The following TRABD variants were observed in gnomAD, a reference collection of about 807,000 sequenced individuals.
TRABD encodes the protein traB domain-containing protein.
A neutral mutation model predicts 39.6 loss-of-function variants in TRABD; 23 were observed. The observed-to-expected ratio is 0.58, with a 90% CI of 0.42 to 0.82. The LOEUF (loss-of-function observed/expected upper bound fraction) is 0.82. Ranked by LOEUF, TRABD falls within the 40% of genes least tolerant of loss-of-function variation. The pLI is 0.00. For missense variants in TRABD, 487 were observed against 544.9 expected, an observed-to-expected ratio of 0.89 and a Z score of 1.06; for synonymous variants, 243 against 232.1, an observed-to-expected ratio of 1.05 and a Z score of -0.43.
At position 50,198,862 on chromosome 22, in the gene TRABD, A is replaced by G. The variant is rs939808846; in HGVS notation, c.*343A>G. The G allele has an allele frequency of 7.4e-6, 4 of 539,882 alleles. No homozygotes were observed. Among genetic ancestry groups the G allele is most frequent in the South Asian group, 2.3e-5 (1 of 44,150 alleles). 33.4% of individuals were successfully genotyped at this position (539,882 alleles called of 1,614,324 possible). On this transcript the variant is annotated 3_prime_UTR_variant, in exon 10 of 10. Transcript: ENST00000380909. The surrounding 1 kb of genome is among the most constrained non-coding windows in gnomAD (Gnocchi z 7.9). ...CAGCCCTGGTGGCAGGCGGGGGACA[A>G]TGGCCACTGTCCCTACCTCACTGTG...
At position 50,197,430 on chromosome 22, in the gene TRABD, C is replaced by A; in HGVS notation, c.532-19C>A. The stretch of plus-strand genomic sequence containing the variant: ...GTCCGGGGTTCCCACTGCTCCCCAA[C>A]ACCCAGCCTCTGCTCCAGGCCAGCA... On this transcript the variant is annotated intron_variant, in intron 6 of 9. Transcript: ENST00000380909. 1.2e-6 allele frequency: 2 copies of A among 1,613,400 alleles called. No individual in the cohort carries two copies. Among genetic ancestry groups the A allele is most frequent in the Non-Finnish European group, 1.7e-6 (2 of 1,179,750 alleles).
At position 50,198,559 on chromosome 22, in the gene TRABD, T is replaced by G; in HGVS notation, c.*40T>G. ...CCCGCTCGGGCCCCTGAGGAGCCAG[T>G]GCCCCCGCGGCACTTCTGGGTGCCA... On this transcript the variant is annotated 3_prime_UTR_variant, in exon 10 of 10. Transcript: ENST00000380909. The surrounding 1 kb of genome is among the most constrained non-coding windows in gnomAD (Gnocchi z 7.9). The G allele has an allele frequency of 6.8e-7, 1 of 1,467,694 alleles. No homozygotes were observed. Among genetic ancestry groups the G allele is most frequent in the Non-Finnish European group, 9.0e-7 (1 of 1,113,086 alleles). The allele number at this position is 1,467,694 out of a possible 1,614,324, so 90.9% of individuals were successfully genotyped here. A position where few individuals can be genotyped will look rare whatever the true frequency, so the allele number is the denominator to read the frequency against.
rs779899634 is a variant in TRABD at position 50,193,581 on chromosome 22, C to A, written c.39C>A (p.Asn13Lys). 20 of 1,613,662 alleles carry A rather than the reference C, an allele frequency of 1.2e-5. No homozygotes were observed. In the East Asian group the frequency reaches 4.5e-4, roughly 36 times the overall value. ...GEEQQPPHEA[N>K]VEPVVPSEAS... ...ACTCTCCTTTCCACCTGCAGGCCAACGTGGAACCTGTTGTGCCGTCAGAGG... is the reference window on the plus strand; with the variant it reads ...ACTCTCCTTTCCACCTGCAGGCCAAAGTGGAACCTGTTGTGCCGTCAGAGG... Residue 13 changes from asparagine to lysine, a missense_variant, in exon 3 of 10, where the codon AAC becomes AAA. Physicochemically the swap from Asn to Lys is moderately conservative, Grantham distance 94 (BLOSUM62 0). Around this residue, in one of 3 missense-constraint regions of TRABD, gnomAD observed 358 missense variants for 414.7 expected, o/e 0.86. Transcript: ENST00000380909.
In TRABD at chr22:50,185,936, C is replaced by G. The variant is rs1021891526; in HGVS notation, c.-75C>G. Reference sequence around the variant, plus strand: ...CCGCCCCGTCCGTTGAGGGCCCGCGCCGCATGGAGGCCGGCTGAGGAGCGC... The same window carrying G: ...CCGCCCCGTCCGTTGAGGGCCCGCGGCGCATGGAGGCCGGCTGAGGAGCGC... On this transcript the variant is annotated 5_prime_UTR_variant, in exon 1 of 10. Coordinates refer to ENST00000380909, the MANE Select transcript of TRABD (RefSeq NM_001320485.2). 1 of 149,414 alleles carries G rather than the reference C, an allele frequency of 6.7e-6. No homozygotes were observed. Among genetic ancestry groups the G allele is most frequent in the Admixed American group, 6.7e-5 (1 of 15,028 alleles). 9.3% of individuals were successfully genotyped at this position (149,414 alleles called of 1,614,324 possible).
chr22:50,194,310 G>A (rs1488140135), intron 3 of TRABD, 30 bp from the exon 4 acceptor site: 1 of 1,601,332 alleles, frequency 6.2e-7, no homozygotes, highest in Admixed American at 1.7e-5. Flanking sequence ...GGTGGGCCCG[G>A]CACCACAACG....
At position 50,198,522 on chromosome 22, in the gene TRABD, G is replaced by T. The variant is rs760408093; in HGVS notation, c.*3G>T. ...TGACCGAGGCCCGGCACAAGTAGGA[G>T]ACTGCTCCCCGCCCGCTCGGGCCCC... is the stretch of plus-strand genomic sequence containing the variant. On this transcript the variant is annotated 3_prime_UTR_variant, in exon 10 of 10. Transcript: ENST00000380909. This position sits in a 1 kb window ranked among gnomAD's most constrained non-coding sequence, Gnocchi z 7.9. The T allele has an allele frequency of 1.3e-6, 2 of 1,544,846 alleles. No homozygotes were observed.
intron 5 of TRABD, among the ~76,000 whole-genome samples, chr22:50,195,684 A>C (rs1293830330): frequency 2.0e-5 from 3 of 151,716 alleles, no homozygotes; most frequent in African/African-American, 4.8e-5. Flanking sequence ...GGTTCATCTC[A>C]AACTCCTGAG....
At chr22:50,192,464 C>T (rs545540105) in intron 1 of TRABD, 1 of 152,768 alleles carries the variant, frequency 6.5e-6, no homozygotes, top group East Asian at 1.9e-4. Context: ...TGGTTCCTTC[C>T]ACACCATGTT....
intron 1 of TRABD, among the ~76,000 whole-genome samples, chr22:50,188,647 T>G (rs780790987): frequency 3.3e-5 from 5 of 152,218 alleles, no homozygotes; most frequent in Non-Finnish European, 5.9e-5. Context: ...GATCACCTCC[T>G]GGAGGCCCTG....
At chr22:50,189,977 T>G (rs2063853631) in intron 1 of TRABD, among the ~76,000 whole-genome samples, 1 of 152,202 alleles carries the variant, frequency 6.6e-6, no homozygotes. Flanking sequence ...GGAGAGGCTC[T>G]GGGCCCAGCC....
Position 50,199,138 on chromosome 22 carries a change from CA to C in TRABD, c.*625del. The stretch of plus-strand genomic sequence containing the variant: ...CAGAGAGAAAAACTGAAGTAAATGT[CA>C]AAAAACACCAGCCTTAAATCCAAAG... On this transcript the variant is annotated 3_prime_UTR_variant, in exon 10 of 10. Coordinates refer to ENST00000380909, the MANE Select transcript of TRABD (RefSeq NM_001320485.2). The C allele has an allele frequency of 1.4e-6, 1 of 719,858 alleles. No individual in the cohort carries two copies. The highest frequency in any genetic ancestry group is 2.6e-6 in the Non-Finnish European group (1 of 385,930). The allele number at this position is 719,858 out of a possible 1,614,324, so 44.6% of individuals were successfully genotyped here.
Position 50,199,434 on chromosome 22 carries a change from A to G in TRABD, c.*915A>G, listed in dbSNP as rs958350264. 2.7e-5 allele frequency: 8 copies of G among 299,992 alleles called. No homozygotes were observed. Among genetic ancestry groups the G allele is most frequent in the Non-Finnish European group, 5.0e-5 (8 of 161,370 alleles). The allele number at this position is 299,992 out of a possible 1,614,324, so 18.6% of individuals were successfully genotyped here. A position where few individuals can be genotyped will look rare whatever the true frequency, so the allele number is the denominator to read the frequency against. On this transcript the variant is annotated 3_prime_UTR_variant, in exon 10 of 10. Transcript: ENST00000380909. Reference sequence around the variant, plus strand: ...GGCCTCCCTCCTGGCTGTCCAGGACACAGCCCGTGCAGCCCCAGCCTGGAC... The same window carrying G: ...GGCCTCCCTCCTGGCTGTCCAGGACGCAGCCCGTGCAGCCCCAGCCTGGAC...
Position 50,193,053 on chromosome 22 carries a change from G to A in TRABD, c.-8G>A, listed in dbSNP as rs578072397. The A allele has an allele frequency of 1.7e-5, 26 of 1,545,186 alleles. No individual in the cohort carries two copies. In the African/African-American group the frequency reaches 2.2e-4, roughly 13 times the overall value. On this transcript the variant is annotated 5_prime_UTR_variant, in exon 2 of 10. Transcript: ENST00000380909. ...CTCCCCACAGGTGCAGGAAGCCGCC[G>A]CCCAGCCATGGACGGGGAGGAGCAG...
At chr22:50,196,708 CTTT>C (rs1226661316) in intron 5 of TRABD, among the ~76,000 whole-genome samples, 3 of 145,986 alleles carry the variant, frequency 2.1e-5, no homozygotes, top group Non-Finnish European at 4.6e-5. Context: ...TTTTCTTCTT[CTTT>C]TTTTTTTTTT....
In TRABD at chr22:50,194,903, A is replaced by G. The variant is rs776365532; in HGVS notation, c.283A>G (p.Ile95Val). 1 of 1,612,392 alleles carries G rather than the reference A, an allele frequency of 6.2e-7. No homozygotes were observed. The highest frequency in any genetic ancestry group is 8.5e-7 in the Non-Finnish European group (1 of 1,179,774). The change falls in exon 5 of 10, where the codon ATC becomes GTC. Residue 95 changes from isoleucine to valine, a missense_variant. Ile to Val is a conservative substitution (Grantham distance 29). Transcript: ENST00000380909. Reference protein sequence around the residue: ...DDSKRDVVKTIREVQPDVVVV... With the variant: ...DDSKRDVVKTVREVQPDVVVV... ...GTGTGACCTGTGGCTGTTGCAGACC[A>G]TCCGGGAGGTGCAGCCTGACGTGGT...
Position 50,193,251 on chromosome 22 carries a change from T to C in TRABD, c.33+158T>C, listed in dbSNP as rs1241464483. 2.6e-5 allele frequency among the ~76,000 whole-genome samples: 4 copies of C among 152,186 alleles called. No homozygotes were observed. The South Asian group carries it at 8.3e-4, about 32-fold the overall frequency. ...AGGCACCTCCGAGGGAGAGGGGCGC[T>C]GGGCTGAGGTGGCCTGGTGGCCCTG... On this transcript the variant is annotated intron_variant, in intron 2 of 9. Coordinates refer to ENST00000380909, the MANE Select transcript of TRABD (RefSeq NM_001320485.2).
At chr22:50,193,547 C>T in intron 2 of TRABD, 29 bp from the exon 3 acceptor site, 1 of 1,611,916 alleles carries the variant, frequency 6.2e-7, no homozygotes, top group Non-Finnish European at 8.5e-7. Flanking sequence ...TGCATGGACC[C>T]TGACTTGAAC....
In TRABD at chr22:50,199,225, T is replaced by G; in HGVS notation, c.*706T>G. On this transcript the variant is annotated 3_prime_UTR_variant, in exon 10 of 10. Transcript: ENST00000380909. ...GGCTCGCGTGCAGCCAAACATCAGC[T>G]CTGGGTCCAGGCGTGGCCTCAGCTG... The G allele has an allele frequency of 1.5e-6, 1 of 689,540 alleles. No homozygotes were observed. Among genetic ancestry groups the G allele is most frequent in the South Asian group, 1.5e-5 (1 of 65,012 alleles). 42.7% of individuals were successfully genotyped at this position (689,540 alleles called of 1,614,324 possible). A position where few individuals can be genotyped will look rare whatever the true frequency, so the allele number is the denominator to read the frequency against.
rs2064223030 is a variant in TRABD, at chr22:50,198,785, G to A, written c.*266G>A. The A allele has an allele frequency of 1.9e-6, 1 of 539,688 alleles. No homozygotes were observed. The highest frequency in any genetic ancestry group is 3.3e-6 in the Non-Finnish European group (1 of 306,108). 33.4% of individuals were successfully genotyped at this position (539,688 alleles called of 1,614,324 possible). ...CCCCAGCTTCTGGACAAGACACCCA[G>A]CTCCGAGGGGGCAGGGGCTTATAGG... is the stretch of plus-strand genomic sequence containing the variant. On this transcript the variant is annotated 3_prime_UTR_variant, in exon 10 of 10. Coordinates refer to ENST00000380909, the MANE Select transcript of TRABD (RefSeq NM_001320485.2). The surrounding 1 kb of genome is among the most constrained non-coding windows in gnomAD (Gnocchi z 7.9).
Sources: allele counts gnomAD v4.1 joint callset (sites outside exome capture counted in the v4.1 genomes callset), GRCh38; gene constraint gnomAD v4.1.1; regional missense constraint gnomAD v4.1.1; non-coding constraint Gnocchi (gnomAD v3.1); transcripts MANE v1.5; gene names NCBI Gene and HGNC (gene_info 2026-07-23, HGNC 2026-07-21).